CHRM3: variants seen among roughly 807,000 people sequenced by gnomAD.
CHRM3 encodes muscarinic acetylcholine receptor M3.
Under a neutral mutation model 41.8 loss-of-function variants are expected in CHRM3, and 11 were observed. The ratio of observed to expected loss-of-function variants is 0.26; its 90% CI spans 0.17 to 0.44. CHRM3 has a LOEUF of 0.44. Ranked by LOEUF, CHRM3 falls within the 20% of genes least tolerant of loss-of-function variation. The pLI is 1.00. For synonymous variants in CHRM3, 297 were observed against 301.4 expected (o/e 0.99, Z 0.15); for missense variants, 571 against 745.4 (o/e 0.77, Z 2.72).
intron 2 of CHRM3, among the ~76,000 whole-genome samples, chr1:239,520,105 T>G (rs944447427): frequency 6.6e-6 from 1 of 152,194 alleles, no homozygotes; most frequent in African/African-American, 2.4e-5. Flanking sequence ...TAACTCAAAA[T>G]GTACTCAGTC....
At chr1:239,624,759 C>A (rs1668848752) in intron 3 of CHRM3, among the ~76,000 whole-genome samples, 1 of 49,740 alleles carries the variant, frequency 2.0e-5, no homozygotes, top group Non-Finnish European at 3.6e-5. Context: ...AATAGGGAAT[C>A]CTTTCCCCAT....
At chr1:239,827,921 G>A (rs1184297644) in intron 6 of CHRM3, among the ~76,000 whole-genome samples, 1 of 152,120 alleles carries the variant, frequency 6.6e-6, no homozygotes, top group Admixed American at 6.5e-5. Context: ...ATTATAAAGT[G>A]CAGCATGTAA....
intron 1 of CHRM3, among the ~76,000 whole-genome samples, chr1:239,475,309 A>G (rs1303932106): frequency 6.6e-6 from 1 of 152,122 alleles, no homozygotes; most frequent in East Asian, 1.9e-4. Flanking sequence ...ATTGACATCA[A>G]CAGTATTATA....
intron 4 of CHRM3, among the ~76,000 whole-genome samples, chr1:239,674,183 C>T (rs1021778399): frequency 7.2e-5 from 11 of 152,014 alleles, no homozygotes; most frequent in Admixed American, 2.0e-4. Context: ...AAATTATTTC[C>T]GTGGAATAAT....
chr1:239,772,548 T>C (rs1321669153), intron 5 of CHRM3, among the ~76,000 whole-genome samples: 1 of 152,202 alleles, frequency 6.6e-6, no homozygotes, highest in Admixed American at 6.5e-5. Flanking sequence ...GATCCGACCC[T>C]ATTCTCTGCT....
chr1:239,659,187 T>G (rs1424335288), intron 4 of CHRM3, among the ~76,000 whole-genome samples: 1 of 152,210 alleles, frequency 6.6e-6, no homozygotes, highest in Non-Finnish European at 1.5e-5. Flanking sequence ...ATACGTGTTC[T>G]CTGCTCCCTG....
chr1:239,661,707 A>G (rs182581634), intron 4 of CHRM3, among the ~76,000 whole-genome samples: 129 of 152,302 alleles, frequency 8.5e-4, no homozygotes, highest in Non-Finnish European at 1.6e-3. Flanking sequence ...AAGGCGGTGA[A>G]ACTATTTTGT....
intron 1 of CHRM3, among the ~76,000 whole-genome samples, chr1:239,397,602 G>A (rs1659597446): frequency 6.6e-6 from 1 of 151,544 alleles, no homozygotes; most frequent in African/African-American, 2.4e-5. Context: ...AACCCGGGAG[G>A]CAGAGGTTGC....
At chr1:239,650,874 T>C (rs1672170832) in intron 4 of CHRM3, among the ~76,000 whole-genome samples, 1 of 152,226 alleles carries the variant, frequency 6.6e-6, no homozygotes, top group African/African-American at 2.4e-5. Context: ...TTATATAAAA[T>C]ACGGTGTTTT....
chr1:239,416,479 A>G (rs1395059735), intron 1 of CHRM3, among the ~76,000 whole-genome samples: 1 of 152,180 alleles, frequency 6.6e-6, no homozygotes, highest in Non-Finnish European at 1.5e-5. Context: ...AATGAAATAT[A>G]CTTTTATCTT....
At chr1:239,869,189 C>A (rs61413371) in intron 6 of CHRM3, among the ~76,000 whole-genome samples, 18,330 of 151,998 alleles carry the variant, frequency 0.12, 1,359 homozygotes, top group African/African-American at 0.19. Flanking sequence ...AGGTGGGGAG[C>A]GCACCTGGGC....
intron 5 of CHRM3, among the ~76,000 whole-genome samples, chr1:239,758,638 A>C (rs1483380354): frequency 1.3e-5 from 2 of 152,224 alleles, no homozygotes; most frequent in East Asian, 1.9e-4. Flanking sequence ...TTTTAAAAAA[A>C]TTGGCTTGTT....
intron 1 of CHRM3, among the ~76,000 whole-genome samples, chr1:239,434,777 A>C (rs1018771434): frequency 6.6e-6 from 1 of 152,200 alleles, no homozygotes. Context: ...GAGAGGGAGA[A>C]GGAGAGAAAG....
intron 3 of CHRM3, among the ~76,000 whole-genome samples, chr1:239,553,551 T>G (rs1047908914): frequency 1.3e-5 from 2 of 152,166 alleles, no homozygotes; most frequent in African/African-American, 4.8e-5. Context: ...TTCTTTCACT[T>G]GAATGATTGA....
chr1:239,653,424 G>C (rs1672422457), intron 4 of CHRM3, among the ~76,000 whole-genome samples: 1 of 152,122 alleles, frequency 6.6e-6, no homozygotes, highest in Admixed American at 6.5e-5. Flanking sequence ...GACGGAAACG[G>C]AAGTACCAAG....
At chr1:239,853,040 C>A (rs909652063) in intron 6 of CHRM3, among the ~76,000 whole-genome samples, 3 of 151,690 alleles carry the variant, frequency 2.0e-5, no homozygotes, top group Middle Eastern at 3.4e-3. Context: ...TGGGTTTTTT[C>A]TTTCTATTCC....
At chr1:239,726,408 G>GT (rs1206173366) in intron 5 of CHRM3, among the ~76,000 whole-genome samples, 2 of 151,546 alleles carry the variant, frequency 1.3e-5, no homozygotes, top group Non-Finnish European at 2.9e-5. Context: ...TGATCATTTA[G>GT]TTTTTTTTCC....
At chr1:239,580,689 T>TTATATATATATATATATATA (rs1165930612) in intron 3 of CHRM3, among the ~76,000 whole-genome samples, 1,030 of 64,678 alleles carry the variant, frequency 0.016, 14 homozygotes, top group Middle Eastern at 0.029. Flanking sequence ...TTGCCCAATT[T>TTATATATATATATATATATA]TATATATATA....
chr1:239,816,079 C>T (rs919125120), intron 5 of CHRM3, among the ~76,000 whole-genome samples: 4 of 152,136 alleles, frequency 2.6e-5, no homozygotes, highest in Admixed American at 2.6e-4. Flanking sequence ...TTATTGCCCT[C>T]ACACCCTCCT....
Sources: allele counts gnomAD v4.1 joint callset (sites outside exome capture counted in the v4.1 genomes callset), GRCh38; gene constraint gnomAD v4.1.1; transcripts MANE v1.5; gene names NCBI Gene and HGNC (gene_info 2026-07-23, HGNC 2026-07-21).